The following PHKG2 variants were observed in gnomAD, a reference collection of about 807,000 sequenced individuals.
The protein encoded by PHKG2 is phosphorylase b kinase gamma catalytic chain, liver/testis isoform.
Under a neutral mutation model 44.5 loss-of-function variants are expected in PHKG2, and 28 were observed. The observed-to-expected ratio is 0.63, with a 90% confidence interval of 0.47 to 0.86. The LOEUF is 0.86. PHKG2 is among the 40% of genes least tolerant of loss of function. PHKG2 has a pLI of 0.00. For synonymous variants in PHKG2, 220 were observed against 211.2 expected, an observed-to-expected ratio of 1.04 and a Z score of -0.36; for missense variants, 498 against 547.5, an observed-to-expected ratio of 0.91 and a Z score of 0.90.
In PHKG2 at chr16:30,760,030, G is replaced by C; in HGVS notation, c.*2933G>C. ...AGCAAGAGCTATTAAACATTCTAAA[G>C]CAGGTGTTATTGTGCACTATGCATA... On this transcript the variant is annotated 3_prime_UTR_variant, in exon 10 of 10. Coordinates refer to ENST00000563588, the MANE Select transcript of PHKG2 (RefSeq NM_000294.3). 1 of 1,496,370 alleles carries C rather than the reference G, an allele frequency of 6.7e-7. No individual in the cohort carries two copies. The highest frequency in any genetic ancestry group is 8.9e-7 in the Non-Finnish European group (1 of 1,127,904). The allele number at this position is 1,496,370 out of a possible 1,614,324, so 92.7% of individuals were successfully genotyped here.
At position 30,748,433 on chromosome 16, in the gene PHKG2, G is replaced by A. The variant is rs2053281054; in HGVS notation, c.-76G>A. 2 of 259,782 alleles carry A rather than the reference G, an allele frequency of 7.7e-6. No individual in the cohort carries two copies. The highest frequency in any genetic ancestry group is 1.5e-5 in the Non-Finnish European group (2 of 134,006). 16.1% of individuals were successfully genotyped at this position (259,782 alleles called of 1,614,324 possible). ...CGGGGGTTAAGGTGAGCGACTGCAG[G>A]CAAACCCGGCGACAGCGCAGCTCGC... On this transcript the variant is annotated 5_prime_UTR_variant, in exon 1 of 10. Transcript: ENST00000563588.
rs1596700700 is a variant in PHKG2, at chr16:30,758,973, T to A, written c.*1876T>A. ...TCCAAACCCTTCATTCTACACCTGC[T>A]CAGAGGGACAGGGCAGCCTGCCCTC... On this transcript the variant is annotated 3_prime_UTR_variant, in exon 10 of 10. Coordinates refer to ENST00000563588, the MANE Select transcript of PHKG2 (RefSeq NM_000294.3). 3 of 1,612,738 alleles carry A rather than the reference T, an allele frequency of 1.9e-6. No homozygotes were observed. The East Asian group carries it at 6.7e-5, about 36-fold the overall frequency.
At chr16:30,751,862 G>A (rs1009836605) in intron 4 of PHKG2, 22 of 460,442 alleles carry the variant, frequency 4.8e-5, no homozygotes, top group South Asian at 4.3e-4. Flanking sequence ...GGGAGGCCGA[G>A]GCGGGTGGAT....
In PHKG2 at chr16:30,758,537, T is replaced by C. The variant is rs2053528914; in HGVS notation, c.*1440T>C. On this transcript the variant is annotated 3_prime_UTR_variant, in exon 10 of 10. Coordinates refer to ENST00000563588, the MANE Select transcript of PHKG2 (RefSeq NM_000294.3). The stretch of plus-strand genomic sequence containing the variant: ...CTAATGATCATTTCTCTGGAGCCAC[T>C]TCAGCTGTGCTTTTTGTTTGTTTGT... The C allele has an allele frequency of 4.8e-6, 1 of 208,044 alleles. No homozygotes were observed. Among genetic ancestry groups the C allele is most frequent in the Non-Finnish European group, 9.8e-6 (1 of 102,316 alleles). The allele number at this position is 208,044 out of a possible 1,614,324, so 12.9% of individuals were successfully genotyped here.
chr16:30,749,102 GCT>G lies in PHKG2; in HGVS notation c.95+188_95+189del, dbSNP rs1252722736. Among the ~76,000 whole-genome samples, 39 of 56,238 alleles carry G rather than the reference GCT, an allele frequency of 6.9e-4. 17 individuals carry two copies. Among genetic ancestry groups the G allele is most frequent in the East Asian group, 2.4e-3 (4 of 1,658 alleles). 36.9% of individuals were successfully genotyped at this position (56,238 alleles called of 152,430 possible). A position where few individuals can be genotyped will look rare whatever the true frequency, so the allele number is the denominator to read the frequency against. On this transcript the variant is annotated intron_variant, in intron 2 of 9. Coordinates refer to ENST00000563588, the MANE Select transcript of PHKG2 (RefSeq NM_000294.3). The stretch of plus-strand genomic sequence containing the variant: ...TGGTGGTGGTGGTGCTGCTGCTGCT[GCT>G]GCTGCTGGTGGTGCTGGTGCTGGTG...
At chr16:30,756,115 G>A in intron 6 of PHKG2, 67 bp from the exon 7 acceptor site, 1 of 1,179,096 alleles carries the variant, frequency 8.5e-7, no homozygotes, top group East Asian at 2.3e-5. Context: ...GGCTCCAGCA[G>A]AGATCCAGTG....
chr16:30,750,721 C>T (rs930308829), intron 2 of PHKG2, among the ~76,000 whole-genome samples: 3 of 152,150 alleles, frequency 2.0e-5, no homozygotes, highest in Non-Finnish European at 2.9e-5. Context: ...CTTGAGGGAA[C>T]TTTGGGATTT....
At position 30,748,895 on chromosome 16, in the gene PHKG2, C is replaced by T. The variant is rs1165233973; in HGVS notation, c.75C>T (p.Asp25=). 9 of 1,554,038 alleles carry T rather than the reference C, an allele frequency of 5.8e-6. No homozygotes were observed. Among genetic ancestry groups the T allele is most frequent in the Admixed American group, 2.0e-5 (1 of 51,222 alleles). ...AAAKEFYQKY[D]PKDVIGRGVS... Reference sequence around the variant, plus strand: ...CCAAAGAGTTTTACCAGAAGTACGACCCTAAGGACGTCATCGGCAGGTAAG... The same window carrying T: ...CCAAAGAGTTTTACCAGAAGTACGATCCTAAGGACGTCATCGGCAGGTAAG... Residue 25 remains aspartate (D), a synonymous_variant, in exon 2 of 10, where the codon GAC becomes GAT. Transcript: ENST00000563588.
intron 6 of PHKG2, 67 bp from the exon 7 acceptor site, chr16:30,756,115 G>T (rs1468821786): frequency 1.7e-6 from 2 of 1,178,978 alleles, no homozygotes; most frequent in African/African-American, 3.0e-5. Context: ...GGCTCCAGCA[G>T]AGATCCAGTG....
At position 30,757,475 on chromosome 16, in the gene PHKG2, G is replaced by A. The variant is rs1280299001; in HGVS notation, c.*378G>A. The stretch of plus-strand genomic sequence containing the variant: ...ACCTTTATTGGGGAAAATGTTGGGG[G>A]TCACTTGGTCTTGCTCTTGCCTTTA... On this transcript the variant is annotated 3_prime_UTR_variant, in exon 10 of 10. Coordinates refer to ENST00000563588, the MANE Select transcript of PHKG2 (RefSeq NM_000294.3). 3 of 1,612,440 alleles carry A rather than the reference G, an allele frequency of 1.9e-6. No homozygotes were observed. The highest frequency in any genetic ancestry group is 2.5e-6 in the Non-Finnish European group (3 of 1,178,878).
rs997083258 is a variant in PHKG2, at chr16:30,757,708, G to A, written c.*611G>A. ...TGAGGAGAGATGCTGTCTGGCAATG[G>A]GGGGATGGTCCCTAGTTGGGCAAAC... On this transcript the variant is annotated 3_prime_UTR_variant, in exon 10 of 10. Coordinates refer to ENST00000563588, the MANE Select transcript of PHKG2 (RefSeq NM_000294.3). The A allele has an allele frequency of 8.3e-5, 129 of 1,553,358 alleles. 1 individual carries two copies. The highest frequency in any genetic ancestry group is 1.7e-4 in the Admixed American group (9 of 53,038).
Position 30,759,566 on chromosome 16 carries a change from GAAGAT to G in PHKG2, c.*2473_*2477del. The G allele has an allele frequency of 6.2e-7, 1 of 1,614,122 alleles. No individual in the cohort carries two copies. Among genetic ancestry groups the G allele is most frequent in the Non-Finnish European group, 8.5e-7 (1 of 1,180,000 alleles). On this transcript the variant is annotated 3_prime_UTR_variant, in exon 10 of 10. Transcript: ENST00000563588. ...GGAGAGCCCACTGGGGTCTTCACAA[GAAGAT>G]AAGGGTGATGAATGTGAGAGAGACT...
rs1347906730 is a variant in PHKG2, at chr16:30,758,580, G to C, written c.*1483G>C. The stretch of plus-strand genomic sequence containing the variant: ...TTGTTTGTTTGTTTGTTTTGAGACA[G>C]AGTCTTGCTCTGTTGCCCAGGCTGG... On this transcript the variant is annotated 3_prime_UTR_variant, in exon 10 of 10. Transcript: ENST00000563588. 1 of 210,304 alleles carries C rather than the reference G, an allele frequency of 4.8e-6. No homozygotes were observed. Among genetic ancestry groups the C allele is most frequent in the East Asian group, 1.3e-4 (1 of 7,800 alleles). The allele number at this position is 210,304 out of a possible 1,614,324, so 13.0% of individuals were successfully genotyped here. A position where few individuals can be genotyped will look rare whatever the true frequency, so the allele number is the denominator to read the frequency against.
rs966391677 is a variant in PHKG2, at chr16:30,748,563, C to T, written c.-19+73C>T. 2.7e-5 allele frequency: 15 copies of T among 553,322 alleles called. 1 individual carries two copies. Among genetic ancestry groups the T allele is most frequent in the Admixed American group, 1.9e-4 (6 of 31,086 alleles). The allele number at this position is 553,322 out of a possible 1,614,324, so 34.3% of individuals were successfully genotyped here. The stretch of plus-strand genomic sequence containing the variant: ...CGCCTGCGCGGCAACAGCCGCCTGC[C>T]CTTGCGCCCCTTCCCCCTGCCTCCT... On this transcript the variant is annotated intron_variant, in intron 1 of 9. Coordinates refer to ENST00000563588, the MANE Select transcript of PHKG2 (RefSeq NM_000294.3).
intron 4 of PHKG2, chr16:30,752,534 G>T (rs1049152883): frequency 6.5e-6 from 1 of 153,144 alleles, no homozygotes; most frequent in Admixed American, 6.5e-5. Flanking sequence ...GAATCTGAAT[G>T]TCCGATGCAA....
rs774418752 is a variant in PHKG2 at position 30,760,627 on chromosome 16, G to C, written c.*3530G>C. The C allele has an allele frequency of 2.6e-6, 4 of 1,556,754 alleles. No individual in the cohort carries two copies. The highest frequency in any genetic ancestry group is 3.5e-6 in the Non-Finnish European group (4 of 1,149,486). ...CTACTCCCTCATCTCAGCATTGGTG[G>C]TCTTCTCCAGCTGGTGCATGGAATG... On this transcript the variant is annotated 3_prime_UTR_variant, in exon 10 of 10. Coordinates refer to ENST00000563588, the MANE Select transcript of PHKG2 (RefSeq NM_000294.3).
rs772079956 is a variant in PHKG2, at chr16:30,757,552, C to T, written c.*455C>T. ...TAGTGCAGTCAACTTGCTGCTGAGC[C>T]TTTCCTCGCTGGCCTTGAGCCGCTC... On this transcript the variant is annotated 3_prime_UTR_variant, in exon 10 of 10. Transcript: ENST00000563588. The T allele has an allele frequency of 1.9e-6, 3 of 1,614,234 alleles. No individual in the cohort carries two copies. Among genetic ancestry groups the T allele is most frequent in the East Asian group, 2.2e-5 (1 of 44,886 alleles).
At position 30,749,130 on chromosome 16, in the gene PHKG2, G is replaced by GGTGGTGGTGGTGC. The variant is rs1567259603; in HGVS notation, c.95+215_95+216insGTGGTGGTGGTGC. Among the ~76,000 whole-genome samples the GGTGGTGGTGGTGC allele has an allele frequency of 1.4e-4, 8 of 55,418 alleles. 3 individuals are homozygous for GGTGGTGGTGGTGC. Among genetic ancestry groups the GGTGGTGGTGGTGC allele is most frequent in the African/African-American group, 8.5e-4 (8 of 9,368 alleles). The allele number at this position is 55,418 out of a possible 152,430, so 36.4% of individuals were successfully genotyped here. A position where few individuals can be genotyped will look rare whatever the true frequency, so the allele number is the denominator to read the frequency against. On this transcript the variant is annotated intron_variant, in intron 2 of 9. Coordinates refer to ENST00000563588, the MANE Select transcript of PHKG2 (RefSeq NM_000294.3). ...GCTGCTGGTGGTGCTGGTGCTGGTG[G>GGTGGTGGTGGTGC]TGGTGGTGCTGGTGCTGGTGGTGGT...
intron 6 of PHKG2, 133 bp downstream of exon 6, chr16:30,753,690 C>T (rs1567262083): frequency 1.2e-6 from 1 of 845,526 alleles, no homozygotes; most frequent in Non-Finnish European, 1.9e-6. Context: ...GCCAAGTATC[C>T]TGTGGGCGCA....
Sources: gnomAD v4.1 joint callset for allele counts (sites outside exome capture counted in the v4.1 genomes callset) on GRCh38, gnomAD v4.1.1 for gene constraint, MANE v1.5 for transcripts, NCBI Gene and HGNC (gene_info 2026-07-23, HGNC 2026-07-21) for gene names.